Variants in ZNF804B observed in about 807,000 individuals in gnomAD.
The protein encoded by ZNF804B is zinc finger protein 804B.
ZNF804B carries 80 observed loss-of-function variants against 101.4 expected under a neutral mutation model. The observed-to-expected ratio is 0.79, with a 90% CI of 0.66 to 0.95. ZNF804B has a LOEUF of 0.95. ZNF804B is among the 40% of genes least tolerant of loss of function. The pLI, the probability that ZNF804B is intolerant of heterozygous loss-of-function variation, is 0.00. For synonymous variants in ZNF804B, 622 were observed against 558.8 expected (o/e 1.11, Z -1.59); for missense variants, 1,673 against 1,561.9 (o/e 1.07, Z -1.20).
At chr7:89,325,445 A>T (rs1266380347) in intron 2 of ZNF804B, among the ~76,000 whole-genome samples, 1 of 147,808 alleles carries the variant, frequency 6.8e-6, no homozygotes, top group Admixed American at 6.9e-5. Context: ...CTTGAAGGGA[A>T]AAAAAAATTG....
chr7:88,952,122 A>G (rs1793232639), intron 1 of ZNF804B, among the ~76,000 whole-genome samples: 1 of 151,840 alleles, frequency 6.6e-6, no homozygotes, highest in Admixed American at 6.6e-5. Flanking sequence ...CAGACTTGGT[A>G]AAGCTCACTT....
chr7:88,784,827 C>T (rs1225660186), intron 1 of ZNF804B, among the ~76,000 whole-genome samples: 1 of 152,094 alleles, frequency 6.6e-6, no homozygotes, highest in Non-Finnish European at 1.5e-5. Flanking sequence ...GTTGAGTATT[C>T]TCCTCTTTAG....
intron 1 of ZNF804B, among the ~76,000 whole-genome samples, chr7:89,045,446 C>T (rs1205764213): frequency 6.6e-6 from 1 of 152,168 alleles, no homozygotes; most frequent in Non-Finnish European, 1.5e-5. Flanking sequence ...TGACAGCTTG[C>T]ACCATGTACC....
At chr7:89,234,001 G>C (rs1050545177) in intron 2 of ZNF804B, among the ~76,000 whole-genome samples, 2 of 152,136 alleles carry the variant, frequency 1.3e-5, no homozygotes, top group African/African-American at 4.8e-5. Context: ...AATGGAGTGT[G>C]AATCTATTAA....
intron 1 of ZNF804B, among the ~76,000 whole-genome samples, chr7:89,143,367 G>T (rs926143447): frequency 3.3e-5 from 5 of 151,604 alleles, no homozygotes; most frequent in Admixed American, 6.6e-5. Flanking sequence ...AAGTTCTGGG[G>T]CTGAATTTAG....
chr7:88,893,956 A>T (rs1007376167), intron 1 of ZNF804B, among the ~76,000 whole-genome samples: 2 of 152,110 alleles, frequency 1.3e-5, no homozygotes, highest in African/African-American at 4.8e-5. Context: ...AAATTAGATA[A>T]ATTTATTATT....
At chr7:89,178,995 TC>T (rs1788250145) in intron 1 of ZNF804B, among the ~76,000 whole-genome samples, 1 of 152,208 alleles carries the variant, frequency 6.6e-6, no homozygotes, top group Non-Finnish European at 1.5e-5. Context: ...CATGCCACTC[TC>T]CTAACCTGTA....
chr7:88,910,548 G>T (rs1339232349), intron 1 of ZNF804B, among the ~76,000 whole-genome samples: 1 of 151,646 alleles, frequency 6.6e-6, no homozygotes, highest in Non-Finnish European at 1.5e-5. Context: ...TTCTCTAGAG[G>T]GCCCCATTCA....
chr7:89,096,037 C>T (rs1789967107), intron 1 of ZNF804B, among the ~76,000 whole-genome samples: 1 of 151,796 alleles, frequency 6.6e-6, no homozygotes, highest in Admixed American at 6.6e-5. Context: ...TGCCTGTAGT[C>T]CCAGCTACTC....
At chr7:89,273,365 C>G (rs1330544122) in intron 2 of ZNF804B, among the ~76,000 whole-genome samples, 1 of 152,040 alleles carries the variant, frequency 6.6e-6, no homozygotes, top group Admixed American at 6.6e-5. Flanking sequence ...TTTCTAATGA[C>G]ATCTCAAGGG....
At chr7:89,063,639 T>C (rs1398941912) in intron 1 of ZNF804B, among the ~76,000 whole-genome samples, 1 of 152,186 alleles carries the variant, frequency 6.6e-6, no homozygotes, top group Non-Finnish European at 1.5e-5. Flanking sequence ...AATAGCTTCA[T>C]GTGAAGAAAG....
chr7:88,964,955 T>G (rs1793433717), intron 1 of ZNF804B, among the ~76,000 whole-genome samples: 1 of 151,416 alleles, frequency 6.6e-6, no homozygotes, highest in African/African-American at 2.4e-5. Context: ...AGAGAGAAAT[T>G]TTGGGCAAAA....
intron 1 of ZNF804B, among the ~76,000 whole-genome samples, chr7:89,194,652 G>A (rs1562911397): frequency 6.7e-6 from 1 of 150,102 alleles, no homozygotes; most frequent in Non-Finnish European, 1.5e-5. Flanking sequence ...TGAGGGCTCT[G>A]TCCTGTTCCA....
chr7:88,882,232 T>C (rs1217860683), intron 1 of ZNF804B, among the ~76,000 whole-genome samples: 1 of 152,136 alleles, frequency 6.6e-6, no homozygotes, highest in Non-Finnish European at 1.5e-5. Flanking sequence ...CAGACACTTT[T>C]CAAAAGAAGA....
chr7:89,062,424 C>G (rs1789394827), intron 1 of ZNF804B, among the ~76,000 whole-genome samples: 1 of 152,108 alleles, frequency 6.6e-6, no homozygotes, highest in African/African-American at 2.4e-5. Context: ...GCCTCCACCT[C>G]AAAAAGAGTT....
intron 3 of ZNF804B, among the ~76,000 whole-genome samples, chr7:89,331,436 T>C (rs527348035): frequency 2.6e-5 from 4 of 151,744 alleles, no homozygotes; most frequent in Non-Finnish European, 5.9e-5. Flanking sequence ...ATATGCCTAA[T>C]GAACATCAAA....
intron 1 of ZNF804B, among the ~76,000 whole-genome samples, chr7:89,153,107 G>A (rs1318912344): frequency 1.1e-5 from 1 of 94,528 alleles, no homozygotes; most frequent in African/African-American, 4.0e-5. Flanking sequence ...TGAACTAAGA[G>A]TTCATTTATT....
intron 1 of ZNF804B, among the ~76,000 whole-genome samples, chr7:89,036,372 A>G (rs1159869173): frequency 2.0e-5 from 3 of 151,890 alleles, no homozygotes; most frequent in African/African-American, 7.2e-5. Context: ...GCTTAATATT[A>G]ATGAATATTA....
chr7:89,240,498 A>G (rs1789351610), intron 2 of ZNF804B, among the ~76,000 whole-genome samples: 1 of 151,898 alleles, frequency 6.6e-6, no homozygotes, highest in Non-Finnish European at 1.5e-5. Context: ...ATCATTACAT[A>G]GTTGTCAATG....
Sources: allele counts gnomAD v4.1 joint callset (sites outside exome capture counted in the v4.1 genomes callset), GRCh38; gene constraint gnomAD v4.1.1; transcripts MANE v1.5; gene names NCBI Gene and HGNC (gene_info 2026-07-23, HGNC 2026-07-21).